Variants in TCF20 observed in about 807,000 individuals in gnomAD.
TCF20 encodes the protein transcription factor 20.
TCF20 carries 3 observed loss-of-function variants against 148.6 expected under a neutral mutation model. The ratio of observed to expected loss-of-function variants is 0.02; its 90% confidence interval spans 0.01 to 0.05. TCF20 has a LOEUF of 0.05. Ranked by LOEUF, TCF20 falls within the 10% of genes least tolerant of loss-of-function variation. The pLI, the probability that TCF20 is intolerant of heterozygous loss-of-function variation, is 1.00. For synonymous variants in TCF20, 1,049 were observed against 909.5 expected, an observed-to-expected ratio of 1.15 and a Z score of -2.76; for missense variants, 2,350 against 2,429.3, an observed-to-expected ratio of 0.97 and a Z score of 0.69.
chr22:42,179,193 T>A (rs560266250), intron 3 of TCF20, among the ~76,000 whole-genome samples: 6 of 152,198 alleles, frequency 3.9e-5, no homozygotes, highest in African/African-American at 7.2e-5. Context: ...AGAGTTACCA[T>A]ATGATCCAGC....
intron 1 of TCF20, among the ~76,000 whole-genome samples, chr22:42,225,556 G>A (rs1279754401): frequency 6.7e-6 from 1 of 149,510 alleles, no homozygotes; most frequent in Non-Finnish European, 1.5e-5. Flanking sequence ...GGAGCTTGCA[G>A]TGAGCCGAGA....
At chr22:42,253,922 C>A (rs1170915281) in intron 1 of TCF20, among the ~76,000 whole-genome samples, 2 of 151,866 alleles carry the variant, frequency 1.3e-5, no homozygotes, top group East Asian at 1.9e-4. Flanking sequence ...ACTAAAAATA[C>A]AAAATTAGCC....
chr22:42,284,975 C>T (rs1050732024), upstream of TCF20, among the ~76,000 whole-genome samples: 2 of 152,246 alleles, frequency 1.3e-5, no homozygotes, highest in East Asian at 1.9e-4. Flanking sequence ...TGACCTGAGC[C>T]GCCTACTCCG....
At chr22:42,335,844 GC>G (rs1928057562) in intron 1 of TCF20, among the ~76,000 whole-genome samples, 1 of 151,960 alleles carries the variant, frequency 6.6e-6, no homozygotes, top group Admixed American at 6.5e-5. Context: ...CTCAGATCAC[GC>G]CCCCAGCCCT....
intron 1 of TCF20, among the ~76,000 whole-genome samples, chr22:42,289,908 C>T (rs1233825561): frequency 6.6e-6 from 1 of 152,246 alleles, no homozygotes; most frequent in Non-Finnish European, 1.5e-5. Context: ...GAGGCTGCTA[C>T]TTAGCGCCAG....
chr22:42,215,572 G>C, intron 1 of TCF20: 1 of 488,206 alleles, frequency 2.0e-6, no homozygotes, highest in Non-Finnish European at 3.5e-6. Context: ...CAGGGTTCAA[G>C]CAATTCTCTT....
intron 2 of TCF20, among the ~76,000 whole-genome samples, chr22:42,199,805 G>C (rs1333905214): frequency 7.0e-6 from 1 of 143,182 alleles, no homozygotes. Context: ...AGCTGGGATC[G>C]CACCACTGCA....
At chr22:42,323,945 T>TGGTGGTGGAGGTGGTGGC (rs1927799447) in intron 1 of TCF20, among the ~76,000 whole-genome samples, 1 of 104,624 alleles carries the variant, frequency 9.6e-6, no homozygotes. Flanking sequence ...GTGGTGGTGA[T>TGGTGGTGGAGGTGGTGGC]GGAGGTTATG....
rs149008777 is a variant in TCF20 at position 42,236,427 on chromosome 22, T to C, written c.-36-21086A>G. On this transcript the variant is annotated intron_variant, in intron 1 of 5. Coordinates refer to ENST00000677622, the MANE Select transcript of TCF20 (RefSeq NM_001378418.1). Reference sequence around the variant, plus strand: ...TCCTCATCAATCCTCTAATTCACAATGAAGAATGCCGACGGAGCGCATTCT... The same window carrying C: ...TCCTCATCAATCCTCTAATTCACAACGAAGAATGCCGACGGAGCGCATTCT... Among the ~76,000 whole-genome samples the C allele has an allele frequency of 3.3e-5, 5 of 152,232 alleles. No individual in the cohort carries two copies. In the East Asian group the frequency reaches 7.7e-4, roughly 24 times the overall value.
chr22:42,176,383 G>GC (rs1039342765), intron 3 of TCF20, among the ~76,000 whole-genome samples: 7 of 152,062 alleles, frequency 4.6e-5, no homozygotes, highest in African/African-American at 1.7e-4. Flanking sequence ...AAGGAAGGGG[G>GC]GGGCAGGATG....
intron 1 of TCF20, among the ~76,000 whole-genome samples, chr22:42,228,327 A>G (rs756063019): frequency 2.6e-4 from 39 of 152,374 alleles, no homozygotes; most frequent in Non-Finnish European, 4.3e-4. Flanking sequence ...CATGAGAGTC[A>G]TAACAACAAT....
At chr22:42,178,494 G>C (rs993065316) in intron 3 of TCF20, among the ~76,000 whole-genome samples, 1 of 151,750 alleles carries the variant, frequency 6.6e-6, no homozygotes, top group Non-Finnish European at 1.5e-5. Context: ...TGAATTACCT[G>C]TGTGATGCTA....
intron 2 of TCF20, among the ~76,000 whole-genome samples, chr22:42,196,379 G>A (rs1012771803): frequency 6.6e-6 from 1 of 152,188 alleles, no homozygotes; most frequent in Non-Finnish European, 1.5e-5. Context: ...GAGACACAAA[G>A]TCTTATATCA....
At chr22:42,167,889 ATT>A (rs75936403) in intron 5 of TCF20, among the ~76,000 whole-genome samples, 63 of 140,322 alleles carry the variant, frequency 4.5e-4, no homozygotes, top group Admixed American at 5.7e-4. Flanking sequence ...CGCACGGCTA[ATT>A]TTTTTTTTTT....
chr22:42,264,868 G>A (rs975695869), intron 1 of TCF20, among the ~76,000 whole-genome samples: 3 of 152,152 alleles, frequency 2.0e-5, no homozygotes, highest in Admixed American at 6.5e-5. Flanking sequence ...ACACATGCAC[G>A]CGGACCTTAA....
chr22:42,284,259 G>A (rs1014339510), upstream of TCF20, among the ~76,000 whole-genome samples: 1 of 152,250 alleles, frequency 6.6e-6, no homozygotes, highest in Admixed American at 6.5e-5. Flanking sequence ...AGATAGGGGC[G>A]ATTATGTGTC....
intron 1 of TCF20, among the ~76,000 whole-genome samples, chr22:42,242,520 C>A (rs533776549): frequency 6.6e-6 from 1 of 152,010 alleles, no homozygotes; most frequent in African/African-American, 2.4e-5. Context: ...ACTATATAGA[C>A]GAACTTACAA....
chr22:42,161,959 G>GGCTAAT (rs1041699158), intron 5 of TCF20, among the ~76,000 whole-genome samples: 6 of 140,566 alleles, frequency 4.3e-5, no homozygotes, highest in Non-Finnish European at 6.0e-5. Flanking sequence ...CACCATGCTT[G>GGCTAAT]GCTAATGACA....
At chr22:42,233,629 G>A (rs1192214244) in intron 1 of TCF20, among the ~76,000 whole-genome samples, 1 of 152,184 alleles carries the variant, frequency 6.6e-6, no homozygotes, top group East Asian at 1.9e-4. Flanking sequence ...TGGGACCTTA[G>A]TTCTCTTACT....
Sources: allele counts gnomAD v4.1 joint callset (sites outside exome capture counted in the v4.1 genomes callset), GRCh38; gene constraint gnomAD v4.1.1; transcripts MANE v1.5; gene names NCBI Gene and HGNC (gene_info 2026-07-23, HGNC 2026-07-21).